RBFOX1: variants seen among roughly 807,000 people sequenced by gnomAD.
RBFOX1 encodes RNA binding protein fox-1 homolog 1.
In RBFOX1, 8 loss-of-function variants were observed where a neutral mutation model predicts 57.7. The ratio of observed to expected loss-of-function variants is 0.14; its 90% CI spans 0.08 to 0.25. RBFOX1 has a LOEUF of 0.25. RBFOX1 is among the 10% of genes least tolerant of loss of function. The pLI, the probability that RBFOX1 is intolerant of heterozygous loss-of-function variation, is 1.00. For missense variants in RBFOX1, 611 were observed against 548.5 expected (o/e 1.11, Z -1.14); for synonymous variants, 326 against 222.4 (o/e 1.47, Z -4.15).
chr16:7,038,584 A>G (rs1345238252), intron 3 of RBFOX1, among the ~76,000 whole-genome samples: 1 of 152,168 alleles, frequency 6.6e-6, no homozygotes, highest in Non-Finnish European at 1.5e-5. Flanking sequence ...AGGTGCTTAC[A>G]TGTGTCAGAC....
chr16:7,180,714 G>GGA (rs1567595461), intron 4 of RBFOX1, among the ~76,000 whole-genome samples: 1 of 146,106 alleles, frequency 6.8e-6, no homozygotes, highest in Admixed American at 6.8e-5. Context: ...TTATTATGAT[G>GGA]AAAAAAAAAA....
At chr16:6,066,596 C>A (rs570661907) in intron 1 of RBFOX1, among the ~76,000 whole-genome samples, 1 of 152,014 alleles carries the variant, frequency 6.6e-6, no homozygotes, top group Non-Finnish European at 1.5e-5. Flanking sequence ...ATAGAACTTA[C>A]GATTTTTGAC....
At chr16:6,355,232 T>G (rs964581363) in intron 2 of RBFOX1, among the ~76,000 whole-genome samples, 1 of 152,154 alleles carries the variant, frequency 6.6e-6, no homozygotes, top group Non-Finnish European at 1.5e-5. Context: ...TTTGCTGCAC[T>G]CATCAACCCA....
intron 3 of RBFOX1, among the ~76,000 whole-genome samples, chr16:5,842,653 C>T (rs1402920758): frequency 6.6e-6 from 1 of 152,188 alleles, no homozygotes; most frequent in Non-Finnish European, 1.5e-5. Flanking sequence ...GGTCCATGCT[C>T]TTCCTTCAAA....
intron 3 of RBFOX1, among the ~76,000 whole-genome samples, chr16:6,696,141 C>T (rs577593104): frequency 3.9e-5 from 6 of 152,134 alleles, no homozygotes; most frequent in African/African-American, 1.2e-4. Flanking sequence ...TCCTATACTG[C>T]GTGTTTTTGT....
intron 3 of RBFOX1, among the ~76,000 whole-genome samples, chr16:6,870,240 G>C (rs1456238836): frequency 1.3e-5 from 2 of 152,090 alleles, no homozygotes; most frequent in Non-Finnish European, 2.9e-5. Flanking sequence ...AGCAGCCTGG[G>C]GTGGGGCAAT....
At chr16:6,873,655 C>G (rs540603693) in intron 3 of RBFOX1, among the ~76,000 whole-genome samples, 2 of 152,264 alleles carry the variant, frequency 1.3e-5, no homozygotes, top group African/African-American at 4.8e-5. Flanking sequence ...TCTCTGCATT[C>G]ATAGGTTTAG....
intron 1 of RBFOX1, among the ~76,000 whole-genome samples, chr16:5,348,156 A>C: frequency 6.8e-6 from 1 of 146,838 alleles, no homozygotes; most frequent in Non-Finnish European, 1.5e-5. Context: ...GTATCCATCC[A>C]CCCATCCACC....
intron 4 of RBFOX1, among the ~76,000 whole-genome samples, chr16:5,967,019 C>G (rs1467908023): frequency 7.6e-6 from 1 of 131,404 alleles, no homozygotes; most frequent in Non-Finnish European, 1.6e-5. Flanking sequence ...TAAATGATAG[C>G]TCAGGTGCCA....
chr16:7,593,887 G>A (rs1293223835), intron 7 of RBFOX1, among the ~76,000 whole-genome samples: 2 of 152,114 alleles, frequency 1.3e-5, no homozygotes, highest in Admixed American at 6.6e-5. Flanking sequence ...ACCCTCACTT[G>A]AATACATCCA....
chr16:6,119,095 G>T (rs555895317), intron 1 of RBFOX1, among the ~76,000 whole-genome samples: 2 of 150,170 alleles, frequency 1.3e-5, no homozygotes, highest in Non-Finnish European at 3.0e-5. Context: ...CATATAATAT[G>T]TCCGAGTGTC....
rs146486423 is a variant in RBFOX1, at chr16:5,823,746, T to A, written c.319-43557T>A. 2.5e-3 allele frequency among the ~76,000 whole-genome samples: 382 copies of A among 152,342 alleles called. 2 individuals carry two copies. Among genetic ancestry groups the A allele is most frequent in the African/African-American group, 8.8e-3 (367 of 41,586 alleles). Reference sequence around the variant, plus strand: ...TTGCATGCTCCTTATGAGAATTTAATGCCCGATGATCTGTCACTGTCTCCC... The same window carrying A: ...TTGCATGCTCCTTATGAGAATTTAAAGCCCGATGATCTGTCACTGTCTCCC... On this transcript the variant is annotated intron_variant, in intron 3 of 19. Transcript: ENST00000641259.
intron 2 of RBFOX1, among the ~76,000 whole-genome samples, chr16:5,562,575 GAACTGGCCTCAGTTTT>G (rs2045928474): frequency 6.6e-6 from 1 of 152,120 alleles, no homozygotes; most frequent in African/African-American, 2.4e-5. Context: ...CACTATGGCA[GAACTGGCCTCAGTTTT>G]CTAGGATAGA....
At chr16:7,562,400 G>T (rs2090599871) in intron 5 of RBFOX1, among the ~76,000 whole-genome samples, 1 of 152,118 alleles carries the variant, frequency 6.6e-6, no homozygotes, top group Admixed American at 6.5e-5. Flanking sequence ...AGGGTGTCCA[G>T]GAGGCCAAAT....
At chr16:6,313,887 G>T (rs967705229) in intron 1 of RBFOX1, among the ~76,000 whole-genome samples, 3 of 151,776 alleles carry the variant, frequency 2.0e-5, no homozygotes, top group African/African-American at 7.3e-5. Context: ...GGGTTTTCTT[G>T]CTGTCTGGTA....
chr16:7,268,781 C>A (rs1476460197), intron 4 of RBFOX1, among the ~76,000 whole-genome samples: 1 of 152,052 alleles, frequency 6.6e-6, no homozygotes, highest in Non-Finnish European at 1.5e-5. Flanking sequence ...CGCCTGTAAT[C>A]ACAGCACTTT....
At chr16:7,545,745 G>A (rs2084287568) in intron 5 of RBFOX1, among the ~76,000 whole-genome samples, 1 of 152,024 alleles carries the variant, frequency 6.6e-6, no homozygotes, top group Non-Finnish European at 1.5e-5. Flanking sequence ...AGAGGTGGAG[G>A]GCAAGGAACT....
intron 3 of RBFOX1, among the ~76,000 whole-genome samples, chr16:6,741,668 CAA>C (rs200438730): frequency 1.1e-4 from 9 of 85,706 alleles, no homozygotes; most frequent in Non-Finnish European, 1.5e-4. Flanking sequence ...GACTCAGTCT[CAA>C]AAAAAAAAAA....
intron 2 of RBFOX1, among the ~76,000 whole-genome samples, chr16:5,574,540 C>T (rs563042630): frequency 3.9e-5 from 6 of 152,054 alleles, no homozygotes; most frequent in African/African-American, 7.2e-5. Context: ...CTCAGCCTCC[C>T]GAGTAGCTGG....
Sources: gnomAD v4.1 joint callset for allele counts (sites outside exome capture counted in the v4.1 genomes callset) on GRCh38, gnomAD v4.1.1 for gene constraint, MANE v1.5 for transcripts, NCBI Gene and HGNC (gene_info 2026-07-23, HGNC 2026-07-21) for gene names.